Variants in C4orf36 observed in about 807,000 individuals in gnomAD.
The protein encoded by C4orf36 is chromosome 4 open reading frame 36.
A neutral mutation model predicts 12.2 loss-of-function variants in C4orf36; 11 were observed. The ratio of observed to expected loss-of-function variants is 0.90; its 90% confidence interval spans 0.57 to 1.49. The LOEUF (loss-of-function observed/expected upper bound fraction) is 1.49. Among genes scored for constraint, C4orf36 ranks in the 40% most tolerant of loss-of-function variants. C4orf36 has a pLI of 0.00. For synonymous variants in C4orf36, 54 were observed against 51.3 expected, an observed-to-expected ratio of 1.05 and a Z score of -0.22; for missense variants, 137 against 133.9, an observed-to-expected ratio of 1.02 and a Z score of -0.11.
upstream of C4orf36, among the ~76,000 whole-genome samples, chr4:86,893,600 A>C (rs141732188): frequency 3.2e-3 from 479 of 151,898 alleles, 3 homozygotes; most frequent in African/African-American, 9.5e-3. Flanking sequence ...AAAAAAGATA[A>C]AACACAGTAA....
intron 4 of C4orf36, among the ~76,000 whole-genome samples, chr4:86,881,854 T>C (rs1206427567): frequency 1.3e-5 from 2 of 152,018 alleles, no homozygotes; most frequent in Non-Finnish European, 2.9e-5. Flanking sequence ...TTTTTTGTAG[T>C]TTTAGTAGAG....
At chr4:86,917,093 C>A in the C4orf36 span, among the ~76,000 whole-genome samples, 2 of 152,092 alleles carry the variant, frequency 1.3e-5, no homozygotes, top group Non-Finnish European at 2.9e-5. Flanking sequence ...GCCTGGGCAA[C>A]ATAGTAAGAC....
the C4orf36 span, among the ~76,000 whole-genome samples, chr4:86,899,136 T>G: frequency 2.6e-5 from 4 of 152,182 alleles, no homozygotes; most frequent in Admixed American, 6.5e-5. Context: ...GACCTCCTAA[T>G]GATAAATCTG....
At chr4:86,905,872 G>T in the C4orf36 span, among the ~76,000 whole-genome samples, 5 of 152,028 alleles carry the variant, frequency 3.3e-5, no homozygotes, top group African/African-American at 1.2e-4. Context: ...CCACCATCAC[G>T]CCCAGCTGAC....
chr4:86,913,983 GA>G, the C4orf36 span: 2 of 1,575,692 alleles, frequency 1.3e-6, no homozygotes, highest in Non-Finnish European at 1.7e-6. Context: ...AATGTAGGCA[GA>G]AAACAGTCTG....
chr4:86,911,621 A>C, the C4orf36 span, among the ~76,000 whole-genome samples: 1 of 152,162 alleles, frequency 6.6e-6, no homozygotes, highest in Non-Finnish European at 1.5e-5. Context: ...CCAGGTGAGA[A>C]TACTGAGTGC....
chr4:86,914,464 G>A, the C4orf36 span: 7 of 578,308 alleles, frequency 1.2e-5, no homozygotes, highest in African/African-American at 1.3e-4. Context: ...GCAGTGGCAC[G>A]ATCTCAGCTC....
chr4:86,883,179 G>C (rs898316404), intron 4 of C4orf36, among the ~76,000 whole-genome samples: 1 of 151,638 alleles, frequency 6.6e-6, no homozygotes, highest in Non-Finnish European at 1.5e-5. Flanking sequence ...TACACAGTGG[G>C]GACATCAGGA....
the C4orf36 span, among the ~76,000 whole-genome samples, chr4:86,903,942 CT>C: frequency 6.6e-6 from 1 of 152,226 alleles, no homozygotes; most frequent in East Asian, 1.9e-4. Context: ...GTTTACAAAC[CT>C]TTAGCTAGAC....
At chr4:86,886,111 T>C (rs1329729070) in intron 4 of C4orf36, among the ~76,000 whole-genome samples, 2 of 152,204 alleles carry the variant, frequency 1.3e-5, no homozygotes, top group African/African-American at 2.4e-5. Flanking sequence ...CAGTATTTTA[T>C]TGAGGATTTT....
intron 4 of C4orf36, chr4:86,887,074 G>C (rs1052898884): frequency 4.0e-5 from 6 of 151,796 alleles, no homozygotes; most frequent in Admixed American, 1.3e-4. Flanking sequence ...GAGAACACTT[G>C]GACACAGGAA....
the C4orf36 span, among the ~76,000 whole-genome samples, chr4:86,921,579 CAG>C: frequency 2.6e-5 from 4 of 152,100 alleles, no homozygotes; most frequent in Non-Finnish European, 5.9e-5. Flanking sequence ...CTTTAGCTAA[CAG>C]AATATTTAGT....
At chr4:86,913,970 T>C in the C4orf36 span, 1 of 1,558,190 alleles carries the variant, frequency 6.4e-7, no homozygotes. Context: ...CATCCACTTC[T>C]TTAATGTAGG....
chr4:86,916,402 A>G, the C4orf36 span, among the ~76,000 whole-genome samples: 5 of 151,272 alleles, frequency 3.3e-5, no homozygotes, highest in Non-Finnish European at 7.4e-5. Context: ...CCGGACACTT[A>G]ATGTTTACTC....
In C4orf36 at chr4:86,892,168, G is replaced by A; in HGVS notation, c.-74+15C>T. 1 of 985,572 alleles carries A rather than the reference G, an allele frequency of 1.0e-6. No individual in the cohort carries two copies. Among genetic ancestry groups the A allele is most frequent in the Non-Finnish European group, 1.2e-6 (1 of 830,078 alleles). The allele number at this position is 985,572 out of a possible 1,614,324, so 61.1% of individuals were successfully genotyped here. A position where few individuals can be genotyped will look rare whatever the true frequency, so the allele number is the denominator to read the frequency against. On this transcript the variant is annotated intron_variant, in intron 1 of 4. Coordinates refer to ENST00000295898, the MANE Select transcript of C4orf36 (RefSeq NM_144645.4). ...CGGAGAAGGGAACGGCCTCAGCCTC[G>A]GCTCCTTCCCACACCTGGGCCCCAC...
At chr4:86,932,172 C>A in the C4orf36 span, 1 of 151,290 alleles carries the variant, frequency 6.6e-6, no homozygotes, top group Non-Finnish European at 1.5e-5. Flanking sequence ...CATGGAGAAA[C>A]ACCCGTCTCT....
At chr4:86,896,233 A>G (rs1747586361), upstream of C4orf36, among the ~76,000 whole-genome samples, 1 of 152,232 alleles carries the variant, frequency 6.6e-6, no homozygotes, top group Admixed American at 6.5e-5. Flanking sequence ...ACACTGCACT[A>G]CATATTCTCC....
Position 86,891,556 on chromosome 4 carries a change from G to A in C4orf36, c.-36C>T. ...TACGGTATGATTTCGTTACATAGGT[G>A]CCTGATGGAATGTCACAGATAACTC... On this transcript the variant is annotated 5_prime_UTR_variant, in exon 2 of 5. Coordinates refer to ENST00000295898, the MANE Select transcript of C4orf36 (RefSeq NM_144645.4). The A allele has an allele frequency of 1.9e-6, 3 of 1,613,680 alleles. No homozygotes were observed. The highest frequency in any genetic ancestry group is 2.5e-6 in the Non-Finnish European group (3 of 1,179,862).
the C4orf36 span, among the ~76,000 whole-genome samples, chr4:86,911,569 T>G: frequency 6.6e-6 from 1 of 152,240 alleles, no homozygotes; most frequent in Admixed American, 6.5e-5. Context: ...TTTTCTTATT[T>G]CTTTGATGAG....
Sources: allele counts gnomAD v4.1 joint callset (sites outside exome capture counted in the v4.1 genomes callset), GRCh38; gene constraint gnomAD v4.1.1; transcripts MANE v1.5; gene names NCBI Gene and HGNC (gene_info 2026-07-23, HGNC 2026-07-21).